MYCBP2: variants seen among roughly 807,000 people sequenced by gnomAD.
MYCBP2 encodes the protein MYC binding protein 2.
In MYCBP2, 120 loss-of-function variants were observed where a neutral mutation model predicts 525.3. That is an observed-to-expected ratio of 0.23 (90% CI 0.20 to 0.27). MYCBP2 has a LOEUF of 0.27. Ranked by LOEUF, MYCBP2 falls within the 10% of genes least tolerant of loss-of-function variation. The pLI is 1.00. For missense variants in MYCBP2, 4,149 were observed against 5,657.1 expected, an observed-to-expected ratio of 0.73 and a Z score of 8.55; for synonymous variants, 1,894 against 1,955.8, an observed-to-expected ratio of 0.97 and a Z score of 0.83.
chr13:77,133,469 A>C (rs2053245269), intron 52 of MYCBP2, among the ~76,000 whole-genome samples: 1 of 152,208 alleles, frequency 6.6e-6, no homozygotes, highest in African/African-American at 2.4e-5. Flanking sequence ...GGAAGAAACA[A>C]ATGTGAGTGA....
At chr13:77,176,770 A>C in intron 35 of MYCBP2, 142 bp from the exon 36 acceptor site, 1 of 610,720 alleles carries the variant, frequency 1.6e-6, no homozygotes, top group Non-Finnish European at 2.4e-6. Flanking sequence ...TACATATGAA[A>C]GAAAAAGTTG....
Position 77,169,631 on chromosome 13 carries a change from C to T in MYCBP2, c.5878G>A (p.Ala1960Thr). 2 of 1,612,988 alleles carry T rather than the reference C, an allele frequency of 1.2e-6. No individual in the cohort carries two copies. The highest frequency in any genetic ancestry group is 1.7e-6 in the Non-Finnish European group (2 of 1,179,194). Residue 1960 changes from alanine (A) to threonine (T), a missense_variant, in exon 39 of 83, where the codon GCT (alanine) becomes ACT (threonine). Around this residue, in one of 21 missense-constraint regions of MYCBP2, gnomAD observed 692 missense variants for 852.7 expected, o/e 0.81. Transcript: ENST00000544440. The part of the protein sequence containing the change: ...PLIIAYIGPV[A>T]AAIPKVAVEV... ...TTACACACCTTGGGAATAGCAGCAG[C>T]TACTGGTCCTATGTAGGCTATAATA...
intron 55 of MYCBP2, 53 bp downstream of exon 55, chr13:77,121,320 T>C: frequency 2.1e-6 from 3 of 1,397,180 alleles, no homozygotes; most frequent in South Asian, 1.7e-5. Context: ...AAAGAGAAGG[T>C]AATAAAAAAT....
At chr13:77,269,886 T>C (rs1014250070) in intron 7 of MYCBP2, 106 bp downstream of exon 7, 8 of 873,466 alleles carry the variant, frequency 9.2e-6, no homozygotes, top group East Asian at 4.9e-5. Flanking sequence ...AGTAAAAATA[T>C]ATTATCATTT....
rs1460211449 is a variant in MYCBP2, at chr13:77,098,111, G to T, written c.9043C>A (p.Pro3015Thr). 7 of 1,613,534 alleles carry T rather than the reference G, an allele frequency of 4.3e-6. No individual in the cohort carries two copies. The highest frequency in any genetic ancestry group is 5.9e-6 in the Non-Finnish European group (7 of 1,179,764). The change falls in exon 56 of 83, where the codon CCT (proline) becomes ACT (threonine). Residue 3015 changes from proline (P) to threonine (T), a missense_variant. This residue lies in a region of MYCBP2 where 653 missense variants were observed against 744.7 expected (regional missense o/e 0.88). Transcript: ENST00000544440. ...ATGGCTTGCTTGGCTGGCTCTAAAGGCTTGGATCCATCTCCTTTGAAAAGA... is the reference window on the plus strand; with the variant it reads ...ATGGCTTGCTTGGCTGGCTCTAAAGTCTTGGATCCATCTCCTTTGAAAAGA... ...SFLFKGDGSK[P>T]LEPAKQAMSP...
At chr13:77,224,677 A>C in intron 19 of MYCBP2, 145 bp from the exon 20 acceptor site, 1 of 506,068 alleles carries the variant, frequency 2.0e-6, no homozygotes, top group Non-Finnish European at 3.5e-6. Flanking sequence ...TTTGTATTTA[A>C]TGAGAAATTA....
At chr13:77,245,111 T>C (rs954680556) in intron 15 of MYCBP2, among the ~76,000 whole-genome samples, 1 of 152,068 alleles carries the variant, frequency 6.6e-6, no homozygotes, top group Non-Finnish European at 1.5e-5. Context: ...CACAACAGAT[T>C]CTGGAGAGGA....
intron 55 of MYCBP2, among the ~76,000 whole-genome samples, chr13:77,117,299 ATAG>A (rs2049950484): frequency 6.6e-6 from 1 of 152,054 alleles, no homozygotes; most frequent in South Asian, 2.1e-4. Context: ...CTAGAAATTG[ATAG>A]TACTTATATT....
intron 1 of MYCBP2, among the ~76,000 whole-genome samples, chr13:77,298,788 AAAAGT>A (rs1470992014): frequency 6.6e-6 from 1 of 152,198 alleles, no homozygotes; most frequent in African/African-American, 2.4e-5. Context: ...AGTATGCCAT[AAAAGT>A]AAAGAGAAAG....
chr13:77,282,145 T>C (rs2076254484), intron 3 of MYCBP2, among the ~76,000 whole-genome samples: 1 of 152,112 alleles, frequency 6.6e-6, no homozygotes, highest in Middle Eastern at 3.2e-3. Context: ...GTGTGGTAGC[T>C]CACACCTATA....
At chr13:77,312,513 A>C (rs1644316776) in intron 1 of MYCBP2, among the ~76,000 whole-genome samples, 1 of 152,070 alleles carries the variant, frequency 6.6e-6, no homozygotes, top group African/African-American at 2.4e-5. Context: ...GAATTAGTAT[A>C]ATAATAACCC....
chr13:77,283,783 G>C (rs552325707), intron 3 of MYCBP2, among the ~76,000 whole-genome samples: 2 of 152,268 alleles, frequency 1.3e-5, no homozygotes, highest in African/African-American at 4.8e-5. Context: ...TGTAGTCCCA[G>C]CTACATGGGA....
At position 77,288,518 on chromosome 13, in the gene MYCBP2, G is replaced by T. The variant is rs2077125795; in HGVS notation, c.379-142C>A. ...ACAGCAGAGACAGTCTAAGTCTATG[G>T]ACCCAACTTCTAGTCCCCTTTTCTA... On this transcript the variant is annotated intron_variant, in intron 2 of 82. Transcript: ENST00000544440. 4.1e-6 allele frequency: 3 copies of T among 730,206 alleles called. No homozygotes were observed. The South Asian group carries it at 5.7e-5, about 14-fold the overall frequency. The allele number at this position is 730,206 out of a possible 1,614,324, so 45.2% of individuals were successfully genotyped here.
In MYCBP2 at chr13:77,087,596, G is replaced by C; in HGVS notation, c.10763C>G (p.Thr3588Ser). 6.2e-7 allele frequency: 1 copy of C among 1,613,268 alleles called. No homozygotes were observed. Among genetic ancestry groups the C allele is most frequent in the Non-Finnish European group, 8.5e-7 (1 of 1,179,572 alleles). The change falls in exon 62 of 83, where the codon ACT becomes AGT. Residue 3588 changes from threonine (T) to serine (S), a missense_variant. By Grantham distance (58) the Thr-to-Ser change is moderately conservative. Around this residue, in one of 21 missense-constraint regions of MYCBP2, gnomAD observed 509 missense variants for 789.4 expected, o/e 0.64. Coordinates refer to ENST00000544440, the MANE Select transcript of MYCBP2 (RefSeq NM_015057.5). ...NWLLCNVIQT[T>S]SLHDILWHFV... The stretch of plus-strand genomic sequence containing the variant: ...ATGCCACAGAATATCATGGAGAGAA[G>C]TGGTTTGGATGACATTACACAGAAG...
At chr13:77,202,666 T>C (rs2062775246) in intron 26 of MYCBP2, among the ~76,000 whole-genome samples, 1 of 151,562 alleles carries the variant, frequency 6.6e-6, no homozygotes, top group Admixed American at 6.6e-5. Context: ...GCAAAACGAA[T>C]CCAGCAGCAC....
chr13:77,225,149 G>C (rs1205357206), intron 19 of MYCBP2, among the ~76,000 whole-genome samples: 1 of 152,136 alleles, frequency 6.6e-6, no homozygotes, highest in African/African-American at 2.4e-5. Context: ...TTCTAGAACT[G>C]AAAGAGATTT....
At chr13:77,300,930 G>A (rs1738815565) in intron 1 of MYCBP2, among the ~76,000 whole-genome samples, 1 of 152,176 alleles carries the variant, frequency 6.6e-6, no homozygotes, top group African/African-American at 2.4e-5. Context: ...CAGAGCTTGG[G>A]CATGAGTAAG....
At chr13:77,065,462 C>T (rs2040037571) in intron 72 of MYCBP2, among the ~76,000 whole-genome samples, 1 of 152,140 alleles carries the variant, frequency 6.6e-6, no homozygotes, top group Non-Finnish European at 1.5e-5. Context: ...AGGCTGCCCT[C>T]CTAGAAATAA....
At chr13:77,199,567 G>A (rs545353233) in intron 26 of MYCBP2, among the ~76,000 whole-genome samples, 87 of 152,336 alleles carry the variant, frequency 5.7e-4, no homozygotes, top group African/African-American at 2.0e-3. Flanking sequence ...GCCTGCCTCT[G>A]TAGGCTCCAC....
Sources: allele counts gnomAD v4.1 joint callset (sites outside exome capture counted in the v4.1 genomes callset), GRCh38; gene constraint gnomAD v4.1.1; regional missense constraint gnomAD v4.1.1; transcripts MANE v1.5; gene names NCBI Gene and HGNC (gene_info 2026-07-23, HGNC 2026-07-21).